Variants in ANKRD44 observed in about 807,000 individuals in gnomAD.
The protein encoded by ANKRD44 is ankyrin repeat domain 44.
ANKRD44 carries 35 observed loss-of-function variants against 116.0 expected under a neutral mutation model. That is an observed-to-expected ratio of 0.30 (90% CI 0.23 to 0.40). The LOEUF (loss-of-function observed/expected upper bound fraction) is 0.40. ANKRD44 is among the 10% of genes least tolerant of loss of function. The probability of loss-of-function intolerance (pLI) is 1.00; values close to 1 mark genes in which losing one functional copy is unlikely to be tolerated. For missense variants in ANKRD44, 1,014 were observed against 1,242.6 expected (o/e 0.82, Z 2.77); for synonymous variants, 435 against 461.8 (o/e 0.94, Z 0.74).
chr2:197,215,790 A>T (rs1221809049), intron 1 of ANKRD44, among the ~76,000 whole-genome samples: 1 of 152,174 alleles, frequency 6.6e-6, no homozygotes, highest in East Asian at 1.9e-4. Flanking sequence ...TTAAAAATCA[A>T]CCTGCAATTA....
chr2:196,969,402 T>TCCA (rs1434552586), intron 21 of ANKRD44, among the ~76,000 whole-genome samples: 3 of 152,190 alleles, frequency 2.0e-5, no homozygotes, highest in Non-Finnish European at 4.4e-5. Context: ...GCATTTTTCT[T>TCCA]CTTCATTTTC....
intron 2 of ANKRD44, among the ~76,000 whole-genome samples, chr2:197,171,715 G>A (rs139068090): frequency 1.6e-4 from 25 of 152,274 alleles, no homozygotes; most frequent in African/African-American, 4.1e-4. Flanking sequence ...GGTTTGTCAT[G>A]ATGATGTTCA....
intron 5 of ANKRD44, 88 bp downstream of exon 5, chr2:197,125,749 T>C: frequency 1.4e-6 from 2 of 1,412,556 alleles, no homozygotes; most frequent in Non-Finnish European, 2.0e-6. Flanking sequence ...CATCACATTC[T>C]TTAAAATCTC....
At chr2:197,187,866 A>G (rs994071112) in intron 1 of ANKRD44, among the ~76,000 whole-genome samples, 1 of 152,184 alleles carries the variant, frequency 6.6e-6, no homozygotes, top group Non-Finnish European at 1.5e-5. Flanking sequence ...CATCCAGTCT[A>G]TAGTATTTTG....
intron 8 of ANKRD44, among the ~76,000 whole-genome samples, chr2:197,120,192 C>CAGT (rs2078819404): frequency 6.6e-6 from 1 of 152,214 alleles, no homozygotes; most frequent in South Asian, 2.1e-4. Context: ...CTCCCTACTA[C>CAGT]ACTGTAAGTT....
chr2:197,125,841 A>T lies in ANKRD44; in HGVS notation c.458T>A (p.Val153Glu). 6.2e-7 allele frequency: 1 copy of T among 1,613,734 alleles called. No individual in the cohort carries two copies. Among genetic ancestry groups the T allele is most frequent in the South Asian group, 1.1e-5 (1 of 91,048 alleles). ...CTGAATGATAAAAATACCCACCTCC[A>T]CGTGGCCGTTCAGAGCCGCATGGTG... is the stretch of plus-strand genomic sequence containing the variant. Reference protein sequence around the residue: ...ALHHAALNGHVEMVNLLLAKG... With the variant: ...ALHHAALNGHEEMVNLLLAKG... The change falls in exon 5 of 28, where the codon GTG becomes GAG. Residue 153 changes from valine (V) to glutamate (E), a missense_variant. By Grantham distance (121) the Val-to-Glu change is moderately radical. Transcript: ENST00000282272.
chr2:197,219,755 T>C (rs2081542470), intron 1 of ANKRD44, among the ~76,000 whole-genome samples: 1 of 152,216 alleles, frequency 6.6e-6, no homozygotes, highest in South Asian at 2.1e-4. Context: ...TTTTAATTTT[T>C]ATATTTGTAA....
At chr2:197,301,569 T>C (rs777416688) in intron 1 of ANKRD44, among the ~76,000 whole-genome samples, 1 of 152,210 alleles carries the variant, frequency 6.6e-6, no homozygotes, top group Admixed American at 6.5e-5. Context: ...CAGAAAACTT[T>C]CTCTTAATTT....
chr2:197,168,090 A>G (rs1362996970), intron 2 of ANKRD44, among the ~76,000 whole-genome samples: 1 of 152,212 alleles, frequency 6.6e-6, no homozygotes, highest in Non-Finnish European at 1.5e-5. Context: ...AAGGCCACAT[A>G]GAAGTGTTCA....
intron 16 of ANKRD44, among the ~76,000 whole-genome samples, chr2:197,036,256 G>A (rs967003846): frequency 1.3e-5 from 2 of 151,990 alleles, no homozygotes; most frequent in African/African-American, 4.8e-5. Flanking sequence ...CAAGGTCTAT[G>A]CAACTTTATT....
chr2:197,122,755 G>T lies in ANKRD44; in HGVS notation c.588C>A (p.Gly196=), dbSNP rs142130204. ...TCTTATCCTTACAGGTCACTTCTGCGCCATGGTTAATGAGCAATGCTACAA... is the reference window on the plus strand; with the variant it reads ...TCTTATCCTTACAGGTCACTTCTGCTCCATGGTTAATGAGCAATGCTACAA... ...LDVVALLINH[G]AEVTCKDKKG... Residue 196 remains glycine, a synonymous_variant, in exon 7 of 28, where the codon GGC becomes GGA. Coordinates refer to ENST00000282272, the MANE Select transcript of ANKRD44 (RefSeq NM_001195144.2). 2.2e-5 allele frequency: 35 copies of T among 1,614,126 alleles called. No homozygotes were observed. Among genetic ancestry groups the T allele is most frequent in the Non-Finnish European group, 2.8e-5 (33 of 1,180,000 alleles).
At chr2:197,158,437 G>A (rs776955196) in intron 2 of ANKRD44, among the ~76,000 whole-genome samples, 36 of 152,198 alleles carry the variant, frequency 2.4e-4, no homozygotes, top group Non-Finnish European at 4.9e-4. Context: ...CAGGCTCACT[G>A]TCTCTTTTAA....
At chr2:197,140,144 A>T (rs146248044) in intron 3 of ANKRD44, among the ~76,000 whole-genome samples, 1 of 151,982 alleles carries the variant, frequency 6.6e-6, no homozygotes, top group African/African-American at 2.4e-5. Flanking sequence ...AGGTGCAAGT[A>T]TTTGTCTAGG....
chr2:197,172,930 A>G (rs183764060), intron 2 of ANKRD44, among the ~76,000 whole-genome samples: 22 of 152,342 alleles, frequency 1.4e-4, no homozygotes, highest in Non-Finnish European at 2.1e-4. Flanking sequence ...TAGATGCTCA[A>G]TAACTGTCTG....
At chr2:197,016,699 G>A (rs2076398384) in intron 17 of ANKRD44, among the ~76,000 whole-genome samples, 1 of 152,030 alleles carries the variant, frequency 6.6e-6, no homozygotes, top group South Asian at 2.1e-4. Flanking sequence ...GAATTTAATA[G>A]CATTAAGATT....
intron 1 of ANKRD44, among the ~76,000 whole-genome samples, chr2:197,280,247 A>T (rs976069901): frequency 3.9e-5 from 6 of 152,206 alleles, no homozygotes; most frequent in Non-Finnish European, 8.8e-5. Flanking sequence ...GGAGAATGAA[A>T]TTAGCATAAA....
chr2:197,289,194 A>T (rs1372892345), intron 1 of ANKRD44, among the ~76,000 whole-genome samples: 2 of 152,204 alleles, frequency 1.3e-5, no homozygotes, highest in Non-Finnish European at 2.9e-5. Flanking sequence ...ATGTATCAGT[A>T]AAGAAAAAAT....
intron 1 of ANKRD44, among the ~76,000 whole-genome samples, chr2:197,204,489 G>T (rs2081162701): frequency 6.6e-6 from 1 of 152,174 alleles, no homozygotes; most frequent in Non-Finnish European, 1.5e-5. Context: ...GGAAACATGT[G>T]ACATAATGAT....
chr2:196,986,690 T>A lies in ANKRD44; in HGVS notation c.*2901A>T. On this transcript the variant is annotated 3_prime_UTR_variant, in exon 28 of 28. Coordinates refer to ENST00000282272, the MANE Select transcript of ANKRD44 (RefSeq NM_001195144.2). ...CAACAATATTTGTACCGTTTTTATT[T>A]GTAAAAATAACCATCTGAATGCATT... The A allele has an allele frequency of 1.0e-6, 1 of 971,298 alleles. No individual in the cohort carries two copies. The highest frequency in any genetic ancestry group is 1.1e-4 in the East Asian group (1 of 8,754). 60.2% of individuals were successfully genotyped at this position (971,298 alleles called of 1,614,324 possible).
Sources: gnomAD v4.1 joint callset for allele counts (sites outside exome capture counted in the v4.1 genomes callset) on GRCh38, gnomAD v4.1.1 for gene constraint, MANE v1.5 for transcripts, NCBI Gene and HGNC (gene_info 2026-07-23, HGNC 2026-07-21) for gene names.